The following PLCB1 variants were observed in gnomAD, a reference collection of about 807,000 sequenced individuals.
The protein encoded by PLCB1 is 1-phosphatidylinositol 4,5-bisphosphate phosphodiesterase beta-1.
A neutral mutation model predicts 161.8 loss-of-function variants in PLCB1; 46 were observed. The ratio of observed to expected loss-of-function variants is 0.28; its 90% CI spans 0.22 to 0.36. PLCB1 has a LOEUF of 0.36. Among genes scored for constraint, PLCB1 ranks in the 10% least tolerant of loss-of-function variants. The pLI is 1.00. For missense variants in PLCB1, 1,016 were observed against 1,472.5 expected (o/e 0.69, Z 5.07); for synonymous variants, 517 against 503.7 (o/e 1.03, Z -0.35).
chr20:8,719,500 G>A (rs1979510174), intron 14 of PLCB1, among the ~76,000 whole-genome samples: 2 of 152,246 alleles, frequency 1.3e-5, no homozygotes, highest in South Asian at 2.1e-4. Flanking sequence ...GAAAACTATG[G>A]ATGAATCACT....
At chr20:8,711,749 T>C (rs1205531703) in intron 12 of PLCB1, among the ~76,000 whole-genome samples, 1 of 152,172 alleles carries the variant, frequency 6.6e-6, no homozygotes, top group Non-Finnish European at 1.5e-5. Context: ...AACCCCGTGC[T>C]TGACTTGTGA....
chr20:8,411,663 C>A (rs980096565), intron 3 of PLCB1, among the ~76,000 whole-genome samples: 1 of 152,124 alleles, frequency 6.6e-6, no homozygotes, highest in African/African-American at 2.4e-5. Flanking sequence ...ACCCCAATAG[C>A]AGAAGAGCAT....
intron 2 of PLCB1, among the ~76,000 whole-genome samples, chr20:8,174,421 C>G (rs1213237312): frequency 2.6e-5 from 4 of 152,056 alleles, no homozygotes; most frequent in Non-Finnish European, 4.4e-5. Context: ...ATGATGAAAA[C>G]TGGAATTTGT....
chr20:8,881,416 C>G (rs1422348359), intron 31 of PLCB1, among the ~76,000 whole-genome samples: 1 of 151,868 alleles, frequency 6.6e-6, no homozygotes, highest in East Asian at 1.9e-4. Context: ...TTGTGCCACA[C>G]ATAACTTGAA....
rs543536325 is a variant in PLCB1 at position 8,540,915 on chromosome 20, T to A, written c.247-87379T>A. Among the ~76,000 whole-genome samples the A allele has an allele frequency of 2.8e-3, 422 of 152,276 alleles. 3 individuals carry two copies. The highest frequency in any genetic ancestry group is 1.9e-3 in the Non-Finnish European group (132 of 68,024). ...CCTGATGCCCTGTATTTATTTATTT[T>A]TTTTACTAATTTTTCCACTGCTATG... is the stretch of plus-strand genomic sequence containing the variant. On this transcript the variant is annotated intron_variant, in intron 3 of 31. Coordinates refer to ENST00000338037, the MANE Select transcript of PLCB1 (RefSeq NM_015192.4).
chr20:8,681,086 G>GTGTGTATA (rs1394518085), intron 9 of PLCB1, among the ~76,000 whole-genome samples: 2 of 73,854 alleles, frequency 2.7e-5, no homozygotes, highest in Admixed American at 1.6e-4. Context: ...ATGTGTGTGT[G>GTGTGTATA]TATATATATA....
At chr20:8,694,766 G>A (rs1398174442) in intron 10 of PLCB1, among the ~76,000 whole-genome samples, 1 of 152,142 alleles carries the variant, frequency 6.6e-6, no homozygotes, top group Non-Finnish European at 1.5e-5. Context: ...TGTTGATATA[G>A]TCAGTGATGT....
chr20:8,543,052 T>C (rs1985395186), intron 3 of PLCB1, among the ~76,000 whole-genome samples: 2 of 152,208 alleles, frequency 1.3e-5, no homozygotes, highest in South Asian at 4.1e-4. Flanking sequence ...CTCTAGCACC[T>C]TGGTAATCAA....
intron 2 of PLCB1, among the ~76,000 whole-genome samples, chr20:8,336,145 A>G (rs1431175814): frequency 6.6e-6 from 1 of 152,214 alleles, no homozygotes; most frequent in Non-Finnish European, 1.5e-5. Context: ...GGTCAACAGA[A>G]TGAAGACTAA....
intron 2 of PLCB1, among the ~76,000 whole-genome samples, chr20:8,317,592 A>C (rs1479395800): frequency 6.6e-6 from 1 of 151,736 alleles, no homozygotes; most frequent in Admixed American, 6.6e-5. Context: ...CCTTAGTATT[A>C]TCAAAAGAAA....
chr20:8,881,334 TGTG>T (rs1987975525), intron 31 of PLCB1, among the ~76,000 whole-genome samples: 1 of 145,750 alleles, frequency 6.9e-6, no homozygotes, highest in Non-Finnish European at 1.5e-5. Flanking sequence ...GACCCGTGTG[TGTG>T]TGTGTGTGTG....
chr20:8,657,678 A>G (rs1366692134), intron 8 of PLCB1, among the ~76,000 whole-genome samples: 1 of 152,104 alleles, frequency 6.6e-6, no homozygotes. Context: ...TTGGATTACT[A>G]AGAACCCTCT....
intron 1 of PLCB1, among the ~76,000 whole-genome samples, chr20:8,135,108 T>C (rs1378696178): frequency 6.6e-6 from 1 of 152,150 alleles, no homozygotes; most frequent in Non-Finnish European, 1.5e-5. Context: ...TATTGTACCT[T>C]AGTGAGACAG....
chr20:8,447,723 G>A (rs1017213448), intron 3 of PLCB1, among the ~76,000 whole-genome samples: 1 of 152,168 alleles, frequency 6.6e-6, no homozygotes, highest in Non-Finnish European at 1.5e-5. Flanking sequence ...AGGCTGATAA[G>A]CAATGTCCTT....
At chr20:8,423,037 TAAAC>T (rs1172148257) in intron 3 of PLCB1, among the ~76,000 whole-genome samples, 1 of 152,226 alleles carries the variant, frequency 6.6e-6, no homozygotes, top group Non-Finnish European at 1.5e-5. Flanking sequence ...ATTTATCAGA[TAAAC>T]AAAGTGACTC....
At chr20:8,801,620 T>C (rs530435753) in intron 31 of PLCB1, among the ~76,000 whole-genome samples, 1 of 152,350 alleles carries the variant, frequency 6.6e-6, no homozygotes, top group Admixed American at 6.5e-5. Flanking sequence ...ACATTAACTT[T>C]GTATGTTAAA....
intron 9 of PLCB1, among the ~76,000 whole-genome samples, chr20:8,683,655 C>A (rs8121445): frequency 0.024 from 3,630 of 151,902 alleles, 141 homozygotes; most frequent in African/African-American, 0.083. Context: ...AGAATTTTGT[C>A]AATATTTAGT....
At chr20:8,405,164 A>G (rs1190289584) in intron 3 of PLCB1, among the ~76,000 whole-genome samples, 1 of 152,142 alleles carries the variant, frequency 6.6e-6, no homozygotes, top group Non-Finnish European at 1.5e-5. Context: ...TTCTGGGTTC[A>G]TGTATGTGTC....
chr20:8,195,451 A>G (rs1425594674), intron 2 of PLCB1, among the ~76,000 whole-genome samples: 1 of 152,074 alleles, frequency 6.6e-6, no homozygotes, highest in Non-Finnish European at 1.5e-5. Context: ...AGACACAGCA[A>G]AAAGATGGCT....
Sources: gnomAD v4.1 joint callset for allele counts (sites outside exome capture counted in the v4.1 genomes callset) on GRCh38, gnomAD v4.1.1 for gene constraint, MANE v1.5 for transcripts, NCBI Gene and HGNC (gene_info 2026-07-23, HGNC 2026-07-21) for gene names.